Variants in COL4A3 observed in about 807,000 individuals in gnomAD.
COL4A3 encodes collagen alpha-3(IV) chain.
In COL4A3, 135 loss-of-function variants were observed where a neutral mutation model predicts 217.4. The observed-to-expected ratio is 0.62, with a 90% CI of 0.54 to 0.72. The LOEUF (loss-of-function observed/expected upper bound fraction) is 0.72. Among genes scored for constraint, COL4A3 ranks in the 30% least tolerant of loss-of-function variants. The pLI, the probability that COL4A3 is intolerant of heterozygous loss-of-function variation, is 0.00. For synonymous variants in COL4A3, 690 were observed against 736.3 expected (o/e 0.94, Z 1.02); for missense variants, 1,868 against 2,119.9 (o/e 0.88, Z 2.33).
At chr2:227,289,669 T>A (rs1285561140) in intron 35 of COL4A3, among the ~76,000 whole-genome samples, 2 of 152,196 alleles carry the variant, frequency 1.3e-5, no homozygotes, top group Non-Finnish European at 2.9e-5. Flanking sequence ...TAACAAAATA[T>A]ATGACATGGC....
At position 227,297,695 on chromosome 2, in the gene COL4A3, C is replaced by G; in HGVS notation, c.3587C>G (p.Ala1196Gly). 1.2e-6 allele frequency: 2 copies of G among 1,608,712 alleles called. No individual in the cohort carries two copies. Among genetic ancestry groups the G allele is most frequent in the Middle Eastern group, 1.7e-4 (1 of 5,930 alleles). Residue 1196 changes from alanine to glycine, a missense_variant, in exon 42 of 52, where the codon GCC becomes GGC. Physicochemically the swap from Ala to Gly is moderately conservative, Grantham distance 60. Coordinates refer to ENST00000396578, the MANE Select transcript of COL4A3 (RefSeq NM_000091.5). ...GAQGAKGDRG[A>G]PGFPGLPGRK... ...GCAGGAGCCAAAGGAGACAGGGGAGCCCCAGGTTTTCCTGGCCTCCCGGGC... is the reference window on the plus strand; with the variant it reads ...GCAGGAGCCAAAGGAGACAGGGGAGGCCCAGGTTTTCCTGGCCTCCCGGGC...
chr2:227,243,557 T>C (rs1175101924), intron 3 of COL4A3, among the ~76,000 whole-genome samples: 2 of 152,228 alleles, frequency 1.3e-5, no homozygotes, highest in African/African-American at 4.8e-5. Context: ...ACTTTGGCCT[T>C]GACAGTGCAA....
intron 47 of COL4A3, among the ~76,000 whole-genome samples, chr2:227,306,021 C>G (rs912500838): frequency 1.3e-5 from 2 of 152,082 alleles, no homozygotes; most frequent in Non-Finnish European, 2.9e-5. Context: ...AATTGCATAA[C>G]TACATGTGAT....
chr2:227,184,763 A>G (rs925166701), intron 1 of COL4A3, among the ~76,000 whole-genome samples: 1 of 152,142 alleles, frequency 6.6e-6, no homozygotes, highest in African/African-American at 2.4e-5. Context: ...CGAACCAGAT[A>G]AACCAAATAG....
At chr2:227,187,798 CT>C (rs781050744) in intron 1 of COL4A3, among the ~76,000 whole-genome samples, 4 of 152,148 alleles carry the variant, frequency 2.6e-5, no homozygotes, top group Non-Finnish European at 5.9e-5. Context: ...ATGTCTTCTC[CT>C]TCCAGAGTGT....
intron 20 of COL4A3, 26 bp downstream of exon 20, chr2:227,261,143 A>C (rs757026179): frequency 6.3e-7 from 1 of 1,594,522 alleles, no homozygotes; most frequent in East Asian, 2.2e-5. Flanking sequence ...TTGGGGTACA[A>C]ATAGAAATGC....
intron 11 of COL4A3, among the ~76,000 whole-genome samples, chr2:227,251,719 T>C (rs1233795145): frequency 2.0e-5 from 3 of 152,168 alleles, no homozygotes; most frequent in Admixed American, 6.5e-5. Flanking sequence ...GGTCTTATGC[T>C]AGTAAGTAAA....
intron 1 of COL4A3, among the ~76,000 whole-genome samples, chr2:227,219,403 T>TATAC (rs2067667736): frequency 6.6e-6 from 1 of 152,208 alleles, no homozygotes; most frequent in Admixed American, 6.5e-5. Context: ...CTTATGACAC[T>TATAC]ATACACTGTG....
chr2:227,274,238 AAAAT>A (rs57515255), intron 26 of COL4A3, among the ~76,000 whole-genome samples: 12,099 of 143,744 alleles, frequency 0.084, 1,365 homozygotes, highest in African/African-American at 0.26. Context: ...TACTGTCTCA[AAAAT>A]AAATAAATAA....
At chr2:227,252,458 C>T (rs544812281) in intron 11 of COL4A3, among the ~76,000 whole-genome samples, 7 of 151,964 alleles carry the variant, frequency 4.6e-5, no homozygotes, top group Middle Eastern at 3.4e-3. Context: ...TCAGGTGATC[C>T]GCCCGCCTCA....
At chr2:227,277,595 AT>A in intron 28 of COL4A3, 42 bp downstream of exon 28, 1 of 1,162,652 alleles carries the variant, frequency 8.6e-7, no homozygotes, top group Non-Finnish European at 1.3e-6. Context: ...TGTTGTGGAT[AT>A]TTAGAAGATG....
chr2:227,233,438 G>C (rs1342992372), intron 1 of COL4A3, among the ~76,000 whole-genome samples: 1 of 152,060 alleles, frequency 6.6e-6, no homozygotes, highest in Non-Finnish European at 1.5e-5. Context: ...ATTCCCAAAG[G>C]AACAACCTGG....
At chr2:227,232,502 G>C (rs1029580166) in intron 1 of COL4A3, among the ~76,000 whole-genome samples, 14 of 151,992 alleles carry the variant, frequency 9.2e-5, no homozygotes, top group Non-Finnish European at 2.1e-4. Flanking sequence ...GTGTACAAGG[G>C]TCCCCTTTTC....
chr2:227,208,258 T>C (rs1384159321), intron 1 of COL4A3, among the ~76,000 whole-genome samples: 2 of 152,196 alleles, frequency 1.3e-5, no homozygotes, highest in African/African-American at 2.4e-5. Context: ...CCAGTTTGCC[T>C]TTGCAGGACT....
intron 7 of COL4A3, 79 bp from the exon 8 acceptor site, chr2:227,247,479 C>A (rs1392235247): frequency 7.4e-7 from 1 of 1,347,838 alleles, no homozygotes; most frequent in Non-Finnish European, 1.1e-6. Context: ...TACACAATAG[C>A]AGAGAGGGCA....
At chr2:227,172,576 T>G (rs1344726806) in intron 1 of COL4A3, among the ~76,000 whole-genome samples, 25 of 133,314 alleles carry the variant, frequency 1.9e-4, no homozygotes, top group African/African-American at 6.2e-4. Context: ...TTTCTTCGTC[T>G]TCTTCTTTTT....
chr2:227,258,175 G>A (rs768997543), intron 18 of COL4A3, among the ~76,000 whole-genome samples: 55 of 152,320 alleles, frequency 3.6e-4, no homozygotes, highest in Non-Finnish European at 5.3e-4. Context: ...AAGGGGACCC[G>A]GACTCTGAGT....
chr2:227,257,075 A>G (rs1438453823), intron 17 of COL4A3, among the ~76,000 whole-genome samples: 2 of 152,242 alleles, frequency 1.3e-5, no homozygotes, highest in African/African-American at 4.8e-5. Flanking sequence ...GTGATATTAT[A>G]ATTTTATGAG....
intron 11 of COL4A3, among the ~76,000 whole-genome samples, chr2:227,252,068 C>CAAAA (rs796320850): frequency 2.9e-4 from 10 of 34,824 alleles, no homozygotes; most frequent in East Asian, 1.0e-3. Flanking sequence ...GGCACCATCT[C>CAAAA]AAAAAAAAAA....
Sources: allele counts gnomAD v4.1 joint callset (sites outside exome capture counted in the v4.1 genomes callset), GRCh38; gene constraint gnomAD v4.1.1; transcripts MANE v1.5; gene names NCBI Gene and HGNC (gene_info 2026-07-23, HGNC 2026-07-21).